Variants in NRG1 observed in about 807,000 individuals in gnomAD.
The protein encoded by NRG1 is neuregulin 1, also known as pro-neuregulin-1, membrane-bound isoform.
A neutral mutation model predicts 63.8 loss-of-function variants in NRG1; 18 were observed. The ratio of observed to expected loss-of-function variants is 0.28; its 90% CI spans 0.19 to 0.42. The LOEUF (loss-of-function observed/expected upper bound fraction) is 0.42, where lower values mean the gene tolerates loss of function less well. NRG1 is among the 10% of genes least tolerant of loss of function. The pLI is 1.00. For synonymous variants in NRG1, 302 were observed against 301.3 expected, an observed-to-expected ratio of 1.00 and a Z score of -0.02; for missense variants, 762 against 814.7, an observed-to-expected ratio of 0.94 and a Z score of 0.79.
At chr8:32,619,946 G>A (rs1298949788) in intron 5 of NRG1, among the ~76,000 whole-genome samples, 3 of 152,092 alleles carry the variant, frequency 2.0e-5, no homozygotes, top group African/African-American at 7.2e-5. Flanking sequence ...ACCAGGTCCA[G>A]TCTTAGTTAC....
intron 5 of NRG1, among the ~76,000 whole-genome samples, chr8:32,666,513 C>T (rs1461628586): frequency 6.6e-6 from 1 of 152,122 alleles, no homozygotes; most frequent in Admixed American, 6.5e-5. Flanking sequence ...GAGCGTGGTT[C>T]CCTGGCCCTA....
At chr8:32,476,781 T>G (rs1824575720) in intron 1 of NRG1, among the ~76,000 whole-genome samples, 1 of 152,170 alleles carries the variant, frequency 6.6e-6, no homozygotes, top group Non-Finnish European at 1.5e-5. Context: ...CAGCTTTTCT[T>G]AAGCTCCAAA....
chr8:32,210,465 G>T (rs1248331930), intron 1 of NRG1, among the ~76,000 whole-genome samples: 3 of 152,174 alleles, frequency 2.0e-5, no homozygotes. Context: ...GGGTCTTGAA[G>T]ATCCATGAGC....
At chr8:31,807,975 G>A (rs371517345) in intron 1 of NRG1, among the ~76,000 whole-genome samples, 2 of 143,856 alleles carry the variant, frequency 1.4e-5, no homozygotes, top group East Asian at 4.2e-4. Context: ...GTGTGTGTGT[G>A]TATCACATTT....
At chr8:32,613,152 G>T (rs546055879) in intron 3 of NRG1, among the ~76,000 whole-genome samples, 3 of 151,910 alleles carry the variant, frequency 2.0e-5, no homozygotes, top group Non-Finnish European at 4.4e-5. Flanking sequence ...CCCATTTTTA[G>T]TGGATGTAAG....
At chr8:32,206,181 G>T (rs1248601068) in intron 1 of NRG1, among the ~76,000 whole-genome samples, 1 of 152,122 alleles carries the variant, frequency 6.6e-6, no homozygotes, top group East Asian at 1.9e-4. Context: ...TGATGGAAAA[G>T]CACCTTGTGA....
At chr8:32,611,595 G>T (rs1486703367) in intron 3 of NRG1, among the ~76,000 whole-genome samples, 1 of 152,012 alleles carries the variant, frequency 6.6e-6, no homozygotes, top group Non-Finnish European at 1.5e-5. Context: ...AAATTTCTCA[G>T]TTGCCTTAGA....
intron 1 of NRG1, among the ~76,000 whole-genome samples, chr8:32,298,600 G>A (rs556263578): frequency 1.3e-5 from 2 of 151,664 alleles, no homozygotes; most frequent in Admixed American, 1.3e-4. Context: ...TGTAATCCTA[G>A]CTACTCGAAA....
intron 1 of NRG1, among the ~76,000 whole-genome samples, chr8:32,278,795 T>C (rs1277957620): frequency 6.6e-6 from 1 of 152,202 alleles, no homozygotes; most frequent in Non-Finnish European, 1.5e-5. Context: ...CCCATCCTGC[T>C]TTCTGGGAAT....
At chr8:32,247,752 A>T (rs1004302572) in intron 1 of NRG1, among the ~76,000 whole-genome samples, 2 of 152,146 alleles carry the variant, frequency 1.3e-5, no homozygotes, top group Non-Finnish European at 2.9e-5. Flanking sequence ...AAGGGAGAAG[A>T]CTTTATTAAA....
intron 1 of NRG1, among the ~76,000 whole-genome samples, chr8:32,154,111 G>T (rs1246881295): frequency 6.6e-6 from 1 of 152,098 alleles, no homozygotes; most frequent in East Asian, 1.9e-4. Flanking sequence ...ATGGAAGTTT[G>T]TATAAACTAG....
intron 1 of NRG1, among the ~76,000 whole-genome samples, chr8:31,713,329 G>A (rs1812010437): frequency 6.6e-6 from 1 of 151,716 alleles, no homozygotes; most frequent in Non-Finnish European, 1.5e-5. Context: ...TGTTAGTCAG[G>A]ATGGTCTCGA....
intron 5 of NRG1, among the ~76,000 whole-genome samples, chr8:32,704,200 G>A (rs1182789439): frequency 9.2e-5 from 14 of 152,202 alleles, no homozygotes; most frequent in Admixed American, 8.5e-4. Context: ...ATGTCCTCTG[G>A]GGAGGCCGTA....
chr8:32,522,785 T>G (rs1397421344), intron 1 of NRG1, among the ~76,000 whole-genome samples: 1 of 151,806 alleles, frequency 6.6e-6, no homozygotes, highest in African/African-American at 2.4e-5. Flanking sequence ...CTTAATACTT[T>G]GTTGAGTTGG....
intron 5 of NRG1, among the ~76,000 whole-genome samples, chr8:32,720,256 A>T (rs1233460743): frequency 6.6e-6 from 1 of 152,252 alleles, no homozygotes; most frequent in African/African-American, 2.4e-5. Flanking sequence ...TAGTTTGGAA[A>T]GTGACAGGTT....
At chr8:32,527,283 T>A (rs1462448322) in intron 1 of NRG1, among the ~76,000 whole-genome samples, 1 of 152,078 alleles carries the variant, frequency 6.6e-6, no homozygotes, top group South Asian at 2.1e-4. Flanking sequence ...GTAATATATA[T>A]ACATACACAT....
At chr8:32,140,135 C>A (rs1321832232) in intron 1 of NRG1, among the ~76,000 whole-genome samples, 2 of 152,076 alleles carry the variant, frequency 1.3e-5, no homozygotes, top group Non-Finnish European at 2.9e-5. Context: ...GCTTGAATAC[C>A]ACGGTGCTGG....
chr8:31,697,882 TTC>T (rs1193205220), intron 1 of NRG1, among the ~76,000 whole-genome samples: 1 of 149,426 alleles, frequency 6.7e-6, no homozygotes, highest in African/African-American at 2.4e-5. Flanking sequence ...TTCCTTCTCT[TTC>T]TCTCTTTCTT....
chr8:32,206,432 A>G (rs575824489), intron 1 of NRG1, among the ~76,000 whole-genome samples: 2 of 152,316 alleles, frequency 1.3e-5, no homozygotes, highest in African/African-American at 4.8e-5. Context: ...ATTATTGGAG[A>G]CCAAATACCT....
Sources: allele counts gnomAD v4.1 joint callset (sites outside exome capture counted in the v4.1 genomes callset), GRCh38; gene constraint gnomAD v4.1.1; transcripts MANE v1.5; gene names NCBI Gene and HGNC (gene_info 2026-07-23, HGNC 2026-07-21).